PDE10A: variants seen among roughly 807,000 people sequenced by gnomAD.
PDE10A encodes the protein phosphodiesterase 10A, also known as cAMP and cAMP-inhibited cGMP 3',5'-cyclic phosphodiesterase 10A.
PDE10A carries 39 observed loss-of-function variants against 97.7 expected under a neutral mutation model. That is an observed-to-expected ratio of 0.40 (90% CI 0.31 to 0.52). The LOEUF (loss-of-function observed/expected upper bound fraction) is 0.52. Among genes scored for constraint, PDE10A ranks in the 20% least tolerant of loss-of-function variants. The pLI, the probability that PDE10A is intolerant of heterozygous loss-of-function variation, is 0.56. For synonymous variants in PDE10A, 371 were observed against 376.8 expected (o/e 0.98, Z 0.18); for missense variants, 731 against 1,047.8 (o/e 0.70, Z 4.17).
intron 3 of PDE10A, among the ~76,000 whole-genome samples, chr6:165,453,769 C>G (rs1361535392): frequency 6.6e-6 from 1 of 152,226 alleles, no homozygotes; most frequent in African/African-American, 2.4e-5. Flanking sequence ...CTGGGGCCCA[C>G]GGACAAACTT....
At chr6:165,464,020 G>A (rs942955792) in intron 3 of PDE10A, among the ~76,000 whole-genome samples, 2 of 152,190 alleles carry the variant, frequency 1.3e-5, no homozygotes, top group Non-Finnish European at 2.9e-5. Context: ...CTGGCTTGCT[G>A]TTAATAAATA....
At chr6:165,851,983 A>G (rs899699612) in intron 1 of PDE10A, among the ~76,000 whole-genome samples, 2 of 152,212 alleles carry the variant, frequency 1.3e-5, no homozygotes, top group Non-Finnish European at 2.9e-5. Context: ...AGAAAAATAG[A>G]TTCATATTAA....
chr6:165,519,451 T>C (rs1782005960), intron 2 of PDE10A, among the ~76,000 whole-genome samples: 1 of 150,994 alleles, frequency 6.6e-6, no homozygotes, highest in South Asian at 2.1e-4. Context: ...TCATGGAGAC[T>C]GAGATGAGGA....
Position 165,388,715 on chromosome 6 carries a change from T to C in PDE10A, c.2455-262A>G, listed in dbSNP as rs1464005828. On this transcript the variant is annotated intron_variant, in intron 16 of 21. Transcript: ENST00000539869. This position sits in a 1 kb window ranked among gnomAD's most constrained non-coding sequence, Gnocchi z 4.0. ...ATTATTTTTGAGTTTCTCTCTCAAC[T>C]CTAGGAAAAGGTGCAGGAGGTATCA... Among the ~76,000 whole-genome samples the C allele has an allele frequency of 6.6e-6, 1 of 152,098 alleles. No individual in the cohort carries two copies. Among genetic ancestry groups the C allele is most frequent in the African/African-American group, 2.4e-5 (1 of 41,400 alleles).
rs73031882 is a variant in PDE10A, at chr6:165,407,860, T to C, written c.2076+5641A>G. Among the ~76,000 whole-genome samples, 1,103 of 152,344 alleles carry C rather than the reference T, an allele frequency of 7.2e-3. 9 individuals are homozygous for C. The highest frequency in any genetic ancestry group is 0.014 in the Middle Eastern group (4 of 294). ...TAATTGACTTGGATTTAAAAGATGT[T>C]TTCTGTTGATAGTACTTCCCAGTAT... On this transcript the variant is annotated intron_variant, in intron 13 of 21. Transcript: ENST00000539869.
chr6:165,822,705 G>T (rs1171141775), intron 1 of PDE10A, among the ~76,000 whole-genome samples: 1 of 152,152 alleles, frequency 6.6e-6, no homozygotes. Context: ...GGTGAGTGAG[G>T]GTGAAGGCCT....
At chr6:165,955,197 C>T (rs1442623296) in intron 1 of PDE10A, among the ~76,000 whole-genome samples, 5 of 152,114 alleles carry the variant, frequency 3.3e-5, no homozygotes, top group South Asian at 4.2e-4. Flanking sequence ...CCACATAGCC[C>T]GAGGGTCAAG....
At chr6:165,624,547 C>T (rs1249689682) in intron 1 of PDE10A, among the ~76,000 whole-genome samples, 1 of 152,168 alleles carries the variant, frequency 6.6e-6, no homozygotes, top group Non-Finnish European at 1.5e-5. Flanking sequence ...CTAACATTAA[C>T]TAATTCCAGT....
At chr6:165,410,148 T>C (rs1297075690) in intron 13 of PDE10A, among the ~76,000 whole-genome samples, 1 of 122,508 alleles carries the variant, frequency 8.2e-6, no homozygotes, top group Non-Finnish European at 1.7e-5. Flanking sequence ...ACAGCCCTGT[T>C]ATCAAATTGC....
chr6:165,489,408 C>A (rs1019831636), intron 2 of PDE10A, among the ~76,000 whole-genome samples: 16 of 152,200 alleles, frequency 1.1e-4, no homozygotes, highest in Admixed American at 4.6e-4. Flanking sequence ...AAGAAAATCA[C>A]ATCAAGGGAG....
At chr6:165,748,754 G>T (rs138557979) in intron 1 of PDE10A, among the ~76,000 whole-genome samples, 6 of 152,128 alleles carry the variant, frequency 3.9e-5, no homozygotes, top group Non-Finnish European at 8.8e-5. Flanking sequence ...CACACAGTGC[G>T]TGAAGTTTCA....
At chr6:165,366,901 C>CT (rs1783807376) in intron 18 of PDE10A, among the ~76,000 whole-genome samples, 1 of 152,120 alleles carries the variant, frequency 6.6e-6, no homozygotes, top group Admixed American at 6.5e-5. Context: ...CAGAGAAAGA[C>CT]AAGAGCATCC....
intron 1 of PDE10A, among the ~76,000 whole-genome samples, chr6:165,725,878 GC>G (rs1323558723): frequency 5.3e-5 from 8 of 152,034 alleles, no homozygotes; most frequent in African/African-American, 1.9e-4. Context: ...TTTCAATGTG[GC>G]AGTTTCTTTA....
intron 1 of PDE10A, among the ~76,000 whole-genome samples, chr6:165,818,815 G>C (rs192460757): frequency 2.2e-4 from 33 of 152,312 alleles, no homozygotes; most frequent in African/African-American, 7.7e-4. Flanking sequence ...TTCCTTCAAA[G>C]TGGTAGATAG....
At chr6:165,901,051 C>G (rs112540422) in intron 1 of PDE10A, among the ~76,000 whole-genome samples, 2,000 of 152,274 alleles carry the variant, frequency 0.013, 36 homozygotes, top group African/African-American at 0.044. Context: ...GCACTGTAGA[C>G]AGCAGCACGT....
intron 1 of PDE10A, among the ~76,000 whole-genome samples, chr6:165,657,954 G>A (rs868855863): frequency 5.9e-5 from 9 of 152,136 alleles, no homozygotes; most frequent in Admixed American, 2.0e-4. Context: ...TATATTTCAA[G>A]TCCTTTGGGG....
At chr6:165,867,848 A>C (rs1443508223) in intron 1 of PDE10A, among the ~76,000 whole-genome samples, 1 of 152,130 alleles carries the variant, frequency 6.6e-6, no homozygotes, top group Non-Finnish European at 1.5e-5. Flanking sequence ...ACAATGGAAC[A>C]AAACTAGAAA....
intron 16 of PDE10A, among the ~76,000 whole-genome samples, chr6:165,390,786 C>A (rs913969343): frequency 6.6e-6 from 1 of 152,178 alleles, no homozygotes; most frequent in Non-Finnish European, 1.5e-5. Context: ...CTTCTTTGTC[C>A]TGATAATGCT....
intron 3 of PDE10A, among the ~76,000 whole-genome samples, chr6:165,468,855 C>CCAAA (rs1375336737): frequency 6.6e-6 from 1 of 152,150 alleles, no homozygotes; most frequent in Non-Finnish European, 1.5e-5. Context: ...GAAATGCTCC[C>CCAAA]CAAACAACCT....
Sources: gnomAD v4.1 joint callset for allele counts (sites outside exome capture counted in the v4.1 genomes callset) on GRCh38, gnomAD v4.1.1 for gene constraint, Gnocchi (gnomAD v3.1) non-coding constraint, MANE v1.5 for transcripts, NCBI Gene and HGNC (gene_info 2026-07-23, HGNC 2026-07-21) for gene names.